DST: variants seen among roughly 807,000 people sequenced by gnomAD.
The protein encoded by DST is dystonin.
DST carries 253 observed loss-of-function variants against 875.2 expected under a neutral mutation model. That is an observed-to-expected ratio of 0.29 (90% CI 0.26 to 0.32). The LOEUF (loss-of-function observed/expected upper bound fraction) is 0.32, where lower values mean the gene tolerates loss of function less well. Among genes scored for constraint, DST ranks in the 10% least tolerant of loss-of-function variants. The pLI, the probability that DST is intolerant of heterozygous loss-of-function variation, is 1.00. For missense variants in DST, 8,287 were observed against 9,111.6 expected, an observed-to-expected ratio of 0.91 and a Z score of 3.68; for synonymous variants, 3,124 against 3,197.1, an observed-to-expected ratio of 0.98 and a Z score of 0.77.
chr6:56,860,359 AGAG>A (rs1380397981), intron 3 of DST, among the ~76,000 whole-genome samples: 1 of 152,228 alleles, frequency 6.6e-6, no homozygotes, highest in Non-Finnish European at 1.5e-5. Context: ...AAACTGGAGA[AGAG>A]GGGATAAAAC....
At chr6:56,836,753 A>C (rs2099794043) in intron 4 of DST, among the ~76,000 whole-genome samples, 2 of 151,010 alleles carry the variant, frequency 1.3e-5, no homozygotes, top group Non-Finnish European at 3.0e-5. Flanking sequence ...CGGGAGGCTG[A>C]GGCAGGAGAA....
chr6:56,618,944 C>T (rs772941409), intron 36 of DST: 14 of 1,614,086 alleles, frequency 8.7e-6, no homozygotes, highest in East Asian at 4.5e-5. Context: ...CTGCTCCCCG[C>T]GTCGCTTCTC....
intron 3 of DST, among the ~76,000 whole-genome samples, chr6:56,880,972 C>T (rs1041994934): frequency 1.3e-5 from 2 of 150,550 alleles, no homozygotes; most frequent in African/African-American, 2.4e-5. Context: ...CTTAGCCTCC[C>T]GAGTAGCTGG....
intron 9 of DST, among the ~76,000 whole-genome samples, chr6:56,694,899 G>A (rs1387487716): frequency 6.6e-6 from 1 of 152,072 alleles, no homozygotes; most frequent in African/African-American, 2.4e-5. Context: ...GGCCGAGGCA[G>A]GTGGATCACC....
intron 34 of DST, 111 bp from the exon 35 acceptor site, chr6:56,625,375 G>A: frequency 1.3e-6 from 1 of 751,462 alleles, no homozygotes; most frequent in Non-Finnish European, 2.4e-6. Flanking sequence ...AATAACTTTA[G>A]TGATTTGACA....
intron 32 of DST, 87 bp from the exon 33 acceptor site, chr6:56,628,248 T>C (rs923040348): frequency 5.0e-6 from 6 of 1,210,644 alleles, no homozygotes; most frequent in Admixed American, 1.8e-5. Flanking sequence ...GACAAAATAA[T>C]TGGACTGCAA....
intron 34 of DST, 78 bp from the exon 35 acceptor site, chr6:56,625,342 T>C (rs916036161): frequency 2.2e-6 from 2 of 910,494 alleles, no homozygotes; most frequent in South Asian, 2.7e-5. Flanking sequence ...TTAACACAGA[T>C]AATTAGAACC....
In DST at chr6:56,555,582, C is replaced by G. The variant is rs750220119; in HGVS notation, c.14899G>C (p.Asp4967His). 6.2e-7 allele frequency: 1 copy of G among 1,614,026 alleles called. No individual in the cohort carries two copies. Among genetic ancestry groups the G allele is most frequent in the East Asian group, 2.2e-5 (1 of 44,878 alleles). Residue 4967 changes from aspartate (D) to histidine (H), a missense_variant, in exon 60 of 104, where the codon GAT (aspartate) becomes CAT (histidine). Asp to His is a moderately conservative substitution (Grantham distance 81). Around this residue, in one of 10 missense-constraint regions of DST, gnomAD observed 1,513 missense variants for 1,677.8 expected, o/e 0.90. Transcript: ENST00000680361. ...GCCAGACTGCTGCTGAGTTTATTAT[C>G]CAAGTCACTCAGTTTATCAGAAAGG... The part of the protein sequence containing the change: ...RSLSDKLSDL[D>H]NKLSSSLAVS...
intron 98 of DST, among the ~76,000 whole-genome samples, chr6:56,467,724 CA>C (rs1406744110): frequency 3.9e-5 from 6 of 152,030 alleles, no homozygotes; most frequent in African/African-American, 1.4e-4. Flanking sequence ...GTAATGAATA[CA>C]AATAATTTTC....
At chr6:56,931,019 TC>T (rs1317245090) in intron 2 of DST, among the ~76,000 whole-genome samples, 3 of 152,216 alleles carry the variant, frequency 2.0e-5, no homozygotes, top group African/African-American at 7.2e-5. Flanking sequence ...TCAAAACACT[TC>T]CTGCTGCCTC....
chr6:56,498,180 AT>A (rs956062136), intron 80 of DST, 127 bp from the exon 81 acceptor site: 19 of 943,576 alleles, frequency 2.0e-5, no homozygotes, highest in African/African-American at 3.3e-5. Flanking sequence ...TAGAATTTTA[AT>A]TTTTTTTAAA....
At chr6:56,493,913 A>G (rs1399639479) in intron 83 of DST, 97 bp downstream of exon 83, 4 of 945,252 alleles carry the variant, frequency 4.2e-6, no homozygotes, top group Non-Finnish European at 5.8e-6. Flanking sequence ...AAATCATTGA[A>G]AGTTCTACTC....
intron 50 of DST, among the ~76,000 whole-genome samples, chr6:56,576,252 T>C (rs1184087746): frequency 6.6e-6 from 1 of 152,206 alleles, no homozygotes; most frequent in African/African-American, 2.4e-5. Flanking sequence ...TCCATCTGGC[T>C]GTTCATCTGT....
At chr6:56,642,301 G>C (rs2098914774) in intron 16 of DST, 109 bp downstream of exon 16, 2 of 921,176 alleles carry the variant, frequency 2.2e-6, no homozygotes, top group Admixed American at 1.8e-5. Context: ...TTAAGTTTCA[G>C]TGGAGAGTAT....
intron 3 of DST, among the ~76,000 whole-genome samples, chr6:56,864,616 G>A (rs1019747976): frequency 3.3e-5 from 5 of 151,812 alleles, no homozygotes; most frequent in East Asian, 3.9e-4. Context: ...TAACTTGCTC[G>A]TATTCTAAAC....
intron 4 of DST, among the ~76,000 whole-genome samples, chr6:56,796,784 G>A (rs1261769142): frequency 2.0e-5 from 3 of 151,766 alleles, no homozygotes; most frequent in African/African-American, 7.3e-5. Context: ...AGGAGGGAGA[G>A]AAGGAAGGAG....
rs1269776366 is a variant in DST at position 56,742,148 on chromosome 6, C to T, written c.626-6859G>A. The stretch of plus-strand genomic sequence containing the variant: ...CTCAGAAGTTGTCCTGATTTCAGTA[C>T]AGGTTTTCGAAAGATGCCCGACAAT... On this transcript the variant is annotated intron_variant, in intron 4 of 103. Coordinates refer to ENST00000680361, the MANE Select transcript of DST (RefSeq NM_001374736.1). 9.8e-6 allele frequency: 5 copies of T among 510,904 alleles called. No individual in the cohort carries two copies. The East Asian group carries it at 2.8e-4, about 28-fold the overall frequency. The allele number at this position is 510,904 out of a possible 1,614,324, so 31.6% of individuals were successfully genotyped here. A position where few individuals can be genotyped will look rare whatever the true frequency, so the allele number is the denominator to read the frequency against.
At position 56,927,661 on chromosome 6, in the gene DST, C is replaced by T. The variant is rs75986726; in HGVS notation, c.216+26124G>A. On this transcript the variant is annotated intron_variant, in intron 2 of 103. Coordinates refer to ENST00000680361, the MANE Select transcript of DST (RefSeq NM_001374736.1). ...TCTAAAAAGAAAAACCATACAATCACCCCCTTTGACGAAGAGAAAAAAATT... is the reference window on the plus strand; with the variant it reads ...TCTAAAAAGAAAAACCATACAATCATCCCCTTTGACGAAGAGAAAAAAATT... 3.4e-3 allele frequency among the ~76,000 whole-genome samples: 510 copies of T among 152,174 alleles called. 5 individuals are homozygous for T. The highest frequency in any genetic ancestry group is 0.012 in the African/African-American group (486 of 41,512).
At chr6:56,687,740 C>A (rs2099197708) in intron 9 of DST, among the ~76,000 whole-genome samples, 1 of 149,542 alleles carries the variant, frequency 6.7e-6, no homozygotes. Context: ...ACTATTTTGG[C>A]AGAAACAAAT....
Sources: allele counts gnomAD v4.1 joint callset (sites outside exome capture counted in the v4.1 genomes callset), GRCh38; gene constraint gnomAD v4.1.1; regional missense constraint gnomAD v4.1.1; transcripts MANE v1.5; gene names NCBI Gene and HGNC (gene_info 2026-07-23, HGNC 2026-07-21).